HNRNPR: variants seen among roughly 807,000 people sequenced by gnomAD.
HNRNPR encodes the protein heterogeneous nuclear ribonucleoprotein R.
In HNRNPR, 4 loss-of-function variants were observed where a neutral mutation model predicts 70.3. The ratio of observed to expected loss-of-function variants is 0.06; its 90% confidence interval spans 0.03 to 0.13. The LOEUF is 0.13. Among genes scored for constraint, HNRNPR ranks in the 10% least tolerant of loss-of-function variants. The pLI, the probability that HNRNPR is intolerant of heterozygous loss-of-function variation, is 1.00. For missense variants in HNRNPR, 423 were observed against 788.5 expected (o/e 0.54, Z 5.55); for synonymous variants, 241 against 267.6 (o/e 0.90, Z 0.97).
At chr1:23,336,221 T>C (rs1557928151) in intron 4 of HNRNPR, among the ~76,000 whole-genome samples, 1 of 146,368 alleles carries the variant, frequency 6.8e-6, no homozygotes, top group African/African-American at 2.5e-5. Flanking sequence ...AGGTCAGGAG[T>C]TTGAGACCAG....
At chr1:23,324,421 C>A (rs560244808) in intron 5 of HNRNPR, among the ~76,000 whole-genome samples, 18 of 151,722 alleles carry the variant, frequency 1.2e-4, no homozygotes, top group Non-Finnish European at 1.9e-4. Flanking sequence ...ACAAAAAATT[C>A]TCCGGGCATG....
At chr1:23,343,166 T>A (rs1463318258) in intron 1 of HNRNPR, among the ~76,000 whole-genome samples, 1 of 152,158 alleles carries the variant, frequency 6.6e-6, no homozygotes, top group Non-Finnish European at 1.5e-5. Flanking sequence ...CTAACGTGAC[T>A]GGAGTCATTT....
intron 4 of HNRNPR, among the ~76,000 whole-genome samples, chr1:23,334,070 C>T (rs1210842921): frequency 3.3e-5 from 5 of 151,796 alleles, no homozygotes; most frequent in Admixed American, 2.6e-4. Context: ...TGTGCCACCA[C>T]GCCCAGCTAA....
chr1:23,333,114 C>T (rs1473974584), intron 5 of HNRNPR, among the ~76,000 whole-genome samples: 5 of 151,918 alleles, frequency 3.3e-5, no homozygotes, highest in South Asian at 2.1e-4. Context: ...CCCAGGAGGC[C>T]GAGGTTGCAG....
intron 5 of HNRNPR, among the ~76,000 whole-genome samples, chr1:23,324,351 A>G (rs686451): frequency 0.31 from 46,866 of 151,630 alleles, 9,409 homozygotes; most frequent in African/African-American, 0.56. Context: ...GGTGGATCAC[A>G]AGGTCAGGAG....
At chr1:23,341,324 G>A (rs1018554450) in intron 1 of HNRNPR, among the ~76,000 whole-genome samples, 6 of 152,108 alleles carry the variant, frequency 3.9e-5, no homozygotes, top group African/African-American at 1.4e-4. Context: ...CTGGTGAAAA[G>A]ATCAAAATCA....
chr1:23,323,833 G>A, intron 5 of HNRNPR, 101 bp from the exon 6 acceptor site: 3 of 888,236 alleles, frequency 3.4e-6, no homozygotes, highest in Non-Finnish European at 5.4e-6. Context: ...AGAAGAAGAT[G>A]GTTAAGAAAG....
rs1392009016 is a variant in HNRNPR, at chr1:23,337,795, C to A, written c.343G>T (p.Val115Leu). ...YRQREKQGSKVQESTKGPDEA... is the reference protein window; with the variant it reads ...YRQREKQGSKLQESTKGPDEA... ...TCAGGTCCCTTTGTGGACTCTTGCA[C>A]CTTGCTCCCCTGTTTCTCTCTCTGC... Residue 115 changes from valine to leucine, a missense_variant, in exon 4 of 11, where the codon GTG becomes TTG. Val to Leu is a conservative substitution (Grantham distance 32). Coordinates refer to ENST00000302271, the MANE Select transcript of HNRNPR (RefSeq NM_005826.5). The A allele has an allele frequency of 6.2e-7, 1 of 1,613,544 alleles. No homozygotes were observed. Among genetic ancestry groups the A allele is most frequent in the East Asian group, 2.2e-5 (1 of 44,882 alleles).
In HNRNPR at chr1:23,338,476, A is replaced by C. The variant is rs1177216579; in HGVS notation, c.276+14T>G. ...TACTAATTGTTCAAAGACATTTCTGAGTAACGACCTTACCTGAACATGTGA... is the reference window on the plus strand; with the variant it reads ...TACTAATTGTTCAAAGACATTTCTGCGTAACGACCTTACCTGAACATGTGA... On this transcript the variant is annotated intron_variant, in intron 3 of 10. Coordinates refer to ENST00000302271, the MANE Select transcript of HNRNPR (RefSeq NM_005826.5). 6.9e-6 allele frequency: 7 copies of C among 1,018,536 alleles called. No individual in the cohort carries two copies. Among genetic ancestry groups the C allele is most frequent in the Non-Finnish European group, 1.0e-5 (7 of 700,052 alleles). 63.1% of individuals were successfully genotyped at this position (1,018,536 alleles called of 1,614,324 possible). A position where few individuals can be genotyped will look rare whatever the true frequency, so the allele number is the denominator to read the frequency against.
chr1:23,315,158 T>C (rs977232926), intron 8 of HNRNPR, among the ~76,000 whole-genome samples: 4 of 151,144 alleles, frequency 2.6e-5, no homozygotes, highest in Admixed American at 2.0e-4. Flanking sequence ...GAGGCACCTA[T>C]AACCCCAGCT....
At chr1:23,317,683 CT>C (rs779279078) in intron 8 of HNRNPR, among the ~76,000 whole-genome samples, 9 of 151,756 alleles carry the variant, frequency 5.9e-5, no homozygotes, top group Non-Finnish European at 1.3e-4. Flanking sequence ...CTAAGGGAAT[CT>C]GATCATTTAA....
chr1:23,322,337 G>T (rs1420521237), intron 6 of HNRNPR, among the ~76,000 whole-genome samples: 1 of 152,038 alleles, frequency 6.6e-6, no homozygotes, highest in Non-Finnish European at 1.5e-5. Flanking sequence ...CTGGGTTGAA[G>T]TGATTCTCCT....
At chr1:23,313,444 C>T (rs1002485692) in intron 9 of HNRNPR, 109 bp downstream of exon 9, 2 of 736,866 alleles carry the variant, frequency 2.7e-6, no homozygotes, top group African/African-American at 3.6e-5. Flanking sequence ...AGAAAGAGTT[C>T]AGCAAAAGCT....
At chr1:23,311,667 A>G in intron 9 of HNRNPR, 1 of 187,618 alleles carries the variant, frequency 5.3e-6, no homozygotes, top group South Asian at 1.1e-4. Context: ...CATACCGGGG[A>G]AAAATGCCAG....
intron 6 of HNRNPR, among the ~76,000 whole-genome samples, chr1:23,323,277 T>C (rs1645829829): frequency 6.6e-6 from 1 of 150,386 alleles, no homozygotes. Flanking sequence ...CAGAAATGCA[T>C]AAGCCAAATA....
chr1:23,342,880 C>T (rs1317614129), intron 1 of HNRNPR, among the ~76,000 whole-genome samples: 1 of 152,050 alleles, frequency 6.6e-6, no homozygotes, highest in Non-Finnish European at 1.5e-5. Flanking sequence ...ATATTTATGC[C>T]TACCATTTCA....
At chr1:23,331,552 T>C (rs917119927) in intron 5 of HNRNPR, among the ~76,000 whole-genome samples, 4 of 151,856 alleles carry the variant, frequency 2.6e-5, no homozygotes, top group African/African-American at 9.7e-5. Flanking sequence ...TAGCCAGGTG[T>C]GGCGGCGGAT....
At chr1:23,311,174 G>GATAT in intron 10 of HNRNPR, 27 bp downstream of exon 10, 1 of 1,613,044 alleles carries the variant, frequency 6.2e-7, no homozygotes, top group Non-Finnish European at 8.5e-7. Context: ...CTTGTCCAAA[G>GATAT]ATATATCTAC....
intron 5 of HNRNPR, among the ~76,000 whole-genome samples, 158 bp from the exon 6 acceptor site, chr1:23,323,890 A>T (rs1331745295): frequency 6.6e-6 from 1 of 152,170 alleles, no homozygotes; most frequent in Non-Finnish European, 1.5e-5. Context: ...AGCTAATCCT[A>T]ATTTTTATTA....
Sources: gnomAD v4.1 joint callset for allele counts (sites outside exome capture counted in the v4.1 genomes callset) on GRCh38, gnomAD v4.1.1 for gene constraint, MANE v1.5 for transcripts, NCBI Gene and HGNC (gene_info 2026-07-23, HGNC 2026-07-21) for gene names.